FARS2: variants seen among roughly 807,000 people sequenced by gnomAD.
The protein encoded by FARS2 is phenylalanine--tRNA ligase, mitochondrial.
FARS2 carries 40 observed loss-of-function variants against 46.4 expected under a neutral mutation model. The observed-to-expected ratio is 0.86, with a 90% CI of 0.67 to 1.12. The LOEUF (loss-of-function observed/expected upper bound fraction) is 1.12, where lower values mean the gene tolerates loss of function less well. Among genes scored for constraint, FARS2 ranks in the 50% most tolerant of loss-of-function variants. The probability of loss-of-function intolerance (pLI) is 0.00; values close to 1 mark genes in which losing one functional copy is unlikely to be tolerated. For missense variants in FARS2, 513 were observed against 567.9 expected (o/e 0.90, Z 0.98); for synonymous variants, 234 against 214.9 (o/e 1.09, Z -0.78).
intron 1 of FARS2, among the ~76,000 whole-genome samples, chr6:5,295,518 C>T (rs1392045994): frequency 1.3e-5 from 2 of 151,842 alleles, no homozygotes; most frequent in Non-Finnish European, 2.9e-5. Flanking sequence ...TAAAAAGGAT[C>T]AAGCAAATAA....
intron 6 of FARS2, among the ~76,000 whole-genome samples, chr6:5,664,042 TCCC>T (rs1456766540): frequency 6.6e-6 from 1 of 152,176 alleles, no homozygotes; most frequent in Non-Finnish European, 1.5e-5. Flanking sequence ...CTGAACAGTA[TCCC>T]ACTGTTAGCA....
At chr6:5,723,790 A>G (rs1760065714) in intron 6 of FARS2, among the ~76,000 whole-genome samples, 2 of 152,234 alleles carry the variant, frequency 1.3e-5, no homozygotes, top group South Asian at 2.1e-4. Flanking sequence ...CAGTAAGAAA[A>G]CAAAATGAAA....
In FARS2 at chr6:5,617,948, T is replaced by A. The variant is rs6911397; in HGVS notation, c.1217+4628T>A. On this transcript the variant is annotated intron_variant, in intron 6 of 6. Coordinates refer to ENST00000274680, the MANE Select transcript of FARS2 (RefSeq NM_006567.5). ...GGACACATTATTTAGTAATGATGGCTTACTGTGCAGTGATCCTCAATAAGT... is the reference window on the plus strand; with the variant it reads ...GGACACATTATTTAGTAATGATGGCATACTGTGCAGTGATCCTCAATAAGT... 4.5e-3 allele frequency among the ~76,000 whole-genome samples: 691 copies of A among 152,342 alleles called. 10 individuals are homozygous for A. Among genetic ancestry groups the A allele is most frequent in the African/African-American group, 0.016 (659 of 41,576 alleles).
intron 3 of FARS2, among the ~76,000 whole-genome samples, chr6:5,425,229 GGTATAT>G (rs71759305): frequency 0.059 from 9,046 of 152,144 alleles, 288 homozygotes; most frequent in South Asian, 0.084. Flanking sequence ...GAAAATCACT[GGTATAT>G]GCTCTAGTTT....
intron 4 of FARS2, among the ~76,000 whole-genome samples, chr6:5,432,413 AT>A (rs1163531236): frequency 7.8e-6 from 1 of 127,948 alleles, no homozygotes; most frequent in African/African-American, 3.0e-5. Context: ...TGTATTATAT[AT>A]AATATATAAT....
chr6:5,672,728 G>GT, intron 6 of FARS2, among the ~76,000 whole-genome samples: 1 of 152,284 alleles, frequency 6.6e-6, no homozygotes, highest in African/African-American at 2.4e-5. Flanking sequence ...GTGCGATCTA[G>GT]GGCTAGGCTG....
chr6:5,406,716 G>A (rs1299927606), intron 3 of FARS2, among the ~76,000 whole-genome samples: 1 of 148,078 alleles, frequency 6.8e-6, no homozygotes, highest in African/African-American at 2.4e-5. Flanking sequence ...TATCAGTAAA[G>A]CGTCTATGAA....
At chr6:5,735,508 G>A (rs1289284679) in intron 6 of FARS2, among the ~76,000 whole-genome samples, 2 of 152,132 alleles carry the variant, frequency 1.3e-5, no homozygotes, top group African/African-American at 2.4e-5. Context: ...TTGACCTCTC[G>A]GGGCCTCCGT....
intron 4 of FARS2, among the ~76,000 whole-genome samples, chr6:5,540,015 T>G (rs1309171506): frequency 3.3e-5 from 5 of 152,190 alleles, no homozygotes; most frequent in Non-Finnish European, 7.3e-5. Flanking sequence ...ACTGCCATCA[T>G]CATGGCAACC....
intron 4 of FARS2, among the ~76,000 whole-genome samples, chr6:5,461,859 T>C (rs1765261500): frequency 6.6e-6 from 1 of 152,238 alleles, no homozygotes; most frequent in Admixed American, 6.5e-5. Context: ...TTTTTGTCTG[T>C]AATGAATAAA....
At chr6:5,682,001 TG>T (rs1422647199) in intron 6 of FARS2, among the ~76,000 whole-genome samples, 4 of 152,236 alleles carry the variant, frequency 2.6e-5, no homozygotes, top group African/African-American at 9.6e-5. Flanking sequence ...CATTTTACTC[TG>T]CCCTGGTCAG....
chr6:5,404,567 A>G lies in FARS2; in HGVS notation c.638A>G (p.Glu213Gly), dbSNP rs1044543244. 27 of 1,605,174 alleles carry G rather than the reference A, an allele frequency of 1.7e-5. No individual in the cohort carries two copies. The highest frequency in any genetic ancestry group is 2.1e-5 in the Non-Finnish European group (25 of 1,175,446). Residue 213 changes from glutamate (E) to glycine (G), a missense_variant, in exon 3 of 7, where the codon GAA (glutamate) becomes GGA (glycine). Glu to Gly is a moderately conservative substitution (Grantham distance 98). Coordinates refer to ENST00000274680, the MANE Select transcript of FARS2 (RefSeq NM_006567.5). ...HELFAGIKDG[E>G]SLQLFEQSSR... The stretch of plus-strand genomic sequence containing the variant: ...TTATTTGCTGGTATAAAGGATGGAG[A>G]AAGCCTGCAGCTCTTTGAACAAAGT...
At chr6:5,432,530 T>A (rs200187232) in intron 4 of FARS2, among the ~76,000 whole-genome samples, 71,300 of 130,014 alleles carry the variant, frequency 0.55, 20,503 homozygotes, top group East Asian at 0.84. Context: ...TATATATATT[T>A]TTTTTTTTCA....
intron 3 of FARS2, 34 bp from the exon 4 acceptor site, chr6:5,431,007 A>T: frequency 6.2e-7 from 1 of 1,606,224 alleles, no homozygotes; most frequent in Non-Finnish European, 8.5e-7. Context: ...CAGCTATTTA[A>T]CACTACTTAT....
chr6:5,390,654 A>ATAT (rs1760450371), intron 2 of FARS2, among the ~76,000 whole-genome samples: 1 of 152,176 alleles, frequency 6.6e-6, no homozygotes, highest in Admixed American at 6.5e-5. Context: ...GTTCTCAAAC[A>ATAT]TATTATGCCT....
At chr6:5,571,088 C>T (rs1187078074) in intron 5 of FARS2, among the ~76,000 whole-genome samples, 7 of 152,260 alleles carry the variant, frequency 4.6e-5, no homozygotes, top group Middle Eastern at 3.4e-3. Context: ...TACTTACTTC[C>T]ACATCGTGCA....
intron 1 of FARS2, among the ~76,000 whole-genome samples, chr6:5,296,406 G>A (rs1352642149): frequency 6.6e-6 from 1 of 152,178 alleles, no homozygotes; most frequent in Admixed American, 6.5e-5. Context: ...CTCCCAAAGT[G>A]CTGGGATTAC....
intron 4 of FARS2, among the ~76,000 whole-genome samples, chr6:5,446,597 T>G (rs1487799839): frequency 6.6e-6 from 1 of 152,144 alleles, no homozygotes; most frequent in African/African-American, 2.4e-5. Flanking sequence ...TGGTAACAGT[T>G]GAAGGAGGAA....
At chr6:5,404,744 C>A in intron 3 of FARS2, 43 bp downstream of exon 3, 11 of 1,255,640 alleles carry the variant, frequency 8.8e-6, no homozygotes, top group Non-Finnish European at 1.1e-5. Context: ...ATCTGAAATA[C>A]TTGGGACAGA....
Sources: allele counts gnomAD v4.1 joint callset (sites outside exome capture counted in the v4.1 genomes callset), GRCh38; gene constraint gnomAD v4.1.1; transcripts MANE v1.5; gene names NCBI Gene and HGNC (gene_info 2026-07-23, HGNC 2026-07-21).